ADAMTSL1: variants seen among roughly 807,000 people sequenced by gnomAD.
The protein encoded by ADAMTSL1 is ADAMTS-like protein 1.
ADAMTSL1 carries 126 observed loss-of-function variants against 201.8 expected under a neutral mutation model. The observed-to-expected ratio is 0.62, with a 90% CI of 0.54 to 0.72. The LOEUF (loss-of-function observed/expected upper bound fraction) is 0.72. Ranked by LOEUF, ADAMTSL1 falls within the 30% of genes least tolerant of loss-of-function variation. The pLI, the probability that ADAMTSL1 is intolerant of heterozygous loss-of-function variation, is 0.00. For missense variants in ADAMTSL1, 2,679 were observed against 2,277.8 expected, an observed-to-expected ratio of 1.18 and a Z score of -3.59; for synonymous variants, 1,121 against 903.4, an observed-to-expected ratio of 1.24 and a Z score of -4.32.
chr9:18,584,816 G>T (rs913060071), intron 4 of ADAMTSL1, among the ~76,000 whole-genome samples: 3 of 152,154 alleles, frequency 2.0e-5, no homozygotes, highest in Admixed American at 6.5e-5. Context: ...AGAAAAAAAA[G>T]ATGGATCCAT....
At chr9:18,568,859 T>A (rs1352512987) in intron 3 of ADAMTSL1, among the ~76,000 whole-genome samples, 1 of 151,912 alleles carries the variant, frequency 6.6e-6, no homozygotes, top group African/African-American at 2.4e-5. Flanking sequence ...ATATAATAGG[T>A]TAAATGAAAC....
chr9:18,081,715 A>G (rs1207524228), intron 1 of ADAMTSL1, among the ~76,000 whole-genome samples: 1 of 152,256 alleles, frequency 6.6e-6, no homozygotes, highest in East Asian at 1.9e-4. Flanking sequence ...CCAAGGAACA[A>G]AAATTGAATC....
intron 1 of ADAMTSL1, among the ~76,000 whole-genome samples, chr9:18,147,072 A>T (rs1465897175): frequency 1.3e-5 from 2 of 152,158 alleles, no homozygotes; most frequent in African/African-American, 4.8e-5. Flanking sequence ...ATTTAATATA[A>T]TAGTATTCCT....
At chr9:18,140,754 G>A (rs1389495397) in intron 1 of ADAMTSL1, among the ~76,000 whole-genome samples, 1 of 152,172 alleles carries the variant, frequency 6.6e-6, no homozygotes, top group Non-Finnish European at 1.5e-5. Context: ...TAGTGAGCAG[G>A]CCTTTCAAAG....
chr9:18,735,748 CTTTTTTTT>C (rs71333066), intron 15 of ADAMTSL1, among the ~76,000 whole-genome samples: 8 of 106,686 alleles, frequency 7.5e-5, no homozygotes, highest in African/African-American at 2.9e-4. Flanking sequence ...ATTCTTTTTT[CTTTTTTTT>C]TTTTTTTTTT....
At chr9:18,143,738 T>G (rs977616825) in intron 1 of ADAMTSL1, among the ~76,000 whole-genome samples, 3 of 152,184 alleles carry the variant, frequency 2.0e-5, no homozygotes, top group Non-Finnish European at 2.9e-5. Flanking sequence ...CTGGCAATAA[T>G]GAAGGGCTGA....
In ADAMTSL1 at chr9:18,027,548, T is replaced by A. The variant is rs372739187; in HGVS notation, c.87+120626T>A. ...TTGAGAGATTTTCCTGTTACTGATT[T>A]CCATTTTTATTCCTCTGTGGTCTGA... On this transcript the variant is annotated intron_variant, in intron 1 of 29. Transcript: ENST00000680146. Among the ~76,000 whole-genome samples the A allele has an allele frequency of 3.3e-5, 5 of 152,190 alleles. No homozygotes were observed. The East Asian group carries it at 5.8e-4, about 18-fold the overall frequency.
chr9:18,491,611 G>A (rs1289207651), intron 1 of ADAMTSL1, among the ~76,000 whole-genome samples: 6 of 152,216 alleles, frequency 3.9e-5, no homozygotes, highest in Non-Finnish European at 7.3e-5. Context: ...TGGTTTTGCA[G>A]ATGGCTCCTT....
intron 2 of ADAMTSL1, among the ~76,000 whole-genome samples, chr9:18,398,902 G>A (rs1343722189): frequency 1.3e-5 from 2 of 152,074 alleles, no homozygotes; most frequent in Non-Finnish European, 2.9e-5. Flanking sequence ...ATGTCAAAGA[G>A]TGAAATTCAG....
At chr9:18,727,007 G>T (rs191497034) in intron 15 of ADAMTSL1, among the ~76,000 whole-genome samples, 1 of 152,172 alleles carries the variant, frequency 6.6e-6, no homozygotes, top group Admixed American at 6.5e-5. Flanking sequence ...TAAGAAACAC[G>T]TCTGAAAGGT....
At chr9:18,269,164 T>C (rs1285069982) in intron 2 of ADAMTSL1, among the ~76,000 whole-genome samples, 1 of 152,120 alleles carries the variant, frequency 6.6e-6, no homozygotes, top group Non-Finnish European at 1.5e-5. Flanking sequence ...TTCTATAAAG[T>C]AATGTGATAT....
intron 9 of ADAMTSL1, among the ~76,000 whole-genome samples, chr9:18,672,461 TAA>T (rs1461861265): frequency 2.6e-5 from 4 of 152,212 alleles, no homozygotes; most frequent in Non-Finnish European, 5.9e-5. Context: ...CTCATAATCC[TAA>T]TACCAATAAC....
At chr9:18,369,079 T>A (rs987552311) in intron 2 of ADAMTSL1, among the ~76,000 whole-genome samples, 2 of 152,196 alleles carry the variant, frequency 1.3e-5, no homozygotes, top group African/African-American at 4.8e-5. Flanking sequence ...AGGGTAGTAT[T>A]GAAACTGATC....
intron 2 of ADAMTSL1, among the ~76,000 whole-genome samples, chr9:18,519,750 C>G (rs1223793599): frequency 6.6e-6 from 1 of 152,222 alleles, no homozygotes; most frequent in Non-Finnish European, 1.5e-5. Context: ...CCAGGAAGCA[C>G]TGCCCAGGAC....
intron 13 of ADAMTSL1, among the ~76,000 whole-genome samples, chr9:18,702,333 G>A (rs1453728852): frequency 6.6e-6 from 1 of 152,150 alleles, no homozygotes; most frequent in South Asian, 2.1e-4. Flanking sequence ...GTGGTGACAC[G>A]AGACTAATCA....
intron 20 of ADAMTSL1, among the ~76,000 whole-genome samples, chr9:18,815,723 A>G (rs897080702): frequency 7.7e-6 from 1 of 130,104 alleles, no homozygotes; most frequent in African/African-American, 3.1e-5. Context: ...AAAAAAAAAA[A>G]AAAAAAAAAA....
intron 2 of ADAMTSL1, among the ~76,000 whole-genome samples, chr9:18,231,878 C>T (rs1487582271): frequency 6.6e-6 from 1 of 152,208 alleles, no homozygotes; most frequent in Admixed American, 6.5e-5. Context: ...AATCTACCCT[C>T]AGTCTTACCA....
chr9:18,158,988 T>C (rs1827272008), intron 1 of ADAMTSL1, among the ~76,000 whole-genome samples: 1 of 152,060 alleles, frequency 6.6e-6, no homozygotes, highest in Admixed American at 6.6e-5. Flanking sequence ...TAAATGTTTC[T>C]ATTCAGCTAT....
Position 18,647,538 on chromosome 9 carries a change from C to T in ADAMTSL1, c.834+8127C>T, listed in dbSNP as rs188895449. 8.5e-3 allele frequency among the ~76,000 whole-genome samples: 1,299 copies of T among 152,024 alleles called. 16 individuals are homozygous for T. Among genetic ancestry groups the T allele is most frequent in the African/African-American group, 0.03 (1,244 of 41,444 alleles). The stretch of plus-strand genomic sequence containing the variant: ...TGTGGGCATTTAGTGCTATGAATTT[C>T]CCTCTACACACTGCTTTGAATGTGT... On this transcript the variant is annotated intron_variant, in intron 7 of 28. Transcript: ENST00000380548.
Sources: allele counts gnomAD v4.1 joint callset (sites outside exome capture counted in the v4.1 genomes callset), GRCh38; gene constraint gnomAD v4.1.1; transcripts MANE v1.5; gene names NCBI Gene and HGNC (gene_info 2026-07-23, HGNC 2026-07-21).